Variants in CEMIP observed in about 807,000 individuals in gnomAD.
CEMIP encodes the protein cell migration-inducing and hyaluronan-binding protein.
CEMIP carries 105 observed loss-of-function variants against 156.9 expected under a neutral mutation model. The ratio of observed to expected loss-of-function variants is 0.67; its 90% confidence interval spans 0.57 to 0.79. The LOEUF (loss-of-function observed/expected upper bound fraction) is 0.79, where lower values mean the gene tolerates loss of function less well. Among genes scored for constraint, CEMIP ranks in the 30% least tolerant of loss-of-function variants. The probability of loss-of-function intolerance (pLI) is 0.00; values close to 1 mark genes in which losing one functional copy is unlikely to be tolerated. For missense variants in CEMIP, 1,457 were observed against 1,769.4 expected (o/e 0.82, Z 3.17); for synonymous variants, 676 against 668.4 (o/e 1.01, Z -0.17).
chr15:80,823,560 C>T lies in CEMIP; in HGVS notation c.-176+43946C>T, dbSNP rs545917050. On this transcript the variant is annotated intron_variant, in intron 1 of 29. Transcript: ENST00000394685. Reference sequence around the variant, plus strand: ...TAGACCCTGGGGACCCAGTCCCTTTCCCCTTCTGTAATCCTCAAACCACCC... The same window carrying T: ...TAGACCCTGGGGACCCAGTCCCTTTTCCCTTCTGTAATCCTCAAACCACCC... Among the ~76,000 whole-genome samples the T allele has an allele frequency of 9.2e-5, 14 of 152,270 alleles. No homozygotes were observed. The East Asian group carries it at 2.7e-3, about 29-fold the overall frequency.
intron 1 of CEMIP, among the ~76,000 whole-genome samples, chr15:80,802,385 C>T (rs62006883): frequency 0.34 from 51,454 of 152,152 alleles, 10,232 homozygotes; most frequent in Non-Finnish European, 0.45. Flanking sequence ...GATGGCTCTG[C>T]CTCTGCCTTC....
intron 1 of CEMIP, among the ~76,000 whole-genome samples, chr15:80,818,616 G>C (rs1896843139): frequency 6.6e-6 from 1 of 152,178 alleles, no homozygotes; most frequent in Non-Finnish European, 1.5e-5. Context: ...ATTTCAACAG[G>C]TCAACTCCAC....
chr15:80,887,563 T>C (rs1596160045), intron 7 of CEMIP, 131 bp from the exon 8 acceptor site: 4 of 718,706 alleles, frequency 5.6e-6, no homozygotes, highest in Non-Finnish European at 7.4e-6. Context: ...AGTGAATGAA[T>C]TTCCCCCAAA....
chr15:80,871,574 G>C (rs1323693318), intron 1 of CEMIP, among the ~76,000 whole-genome samples: 1 of 152,144 alleles, frequency 6.6e-6, no homozygotes, highest in African/African-American at 2.4e-5. Flanking sequence ...GGGCAGGAGG[G>C]ATGCCCCCGC....
intron 25 of CEMIP, among the ~76,000 whole-genome samples, chr15:80,941,415 G>A (rs929081320): frequency 6.6e-6 from 1 of 152,156 alleles, no homozygotes; most frequent in African/African-American, 2.4e-5. Flanking sequence ...TAGGAAGACA[G>A]AGCATCTCCT....
intron 1 of CEMIP, among the ~76,000 whole-genome samples, chr15:80,789,798 T>C (rs1896033621): frequency 6.6e-6 from 1 of 152,250 alleles, no homozygotes; most frequent in Admixed American, 6.5e-5. Context: ...AATGACCATG[T>C]AGTGAAGTTC....
intron 1 of CEMIP, among the ~76,000 whole-genome samples, chr15:80,871,936 G>A (rs954376171): frequency 3.3e-5 from 5 of 152,140 alleles, no homozygotes; most frequent in Non-Finnish European, 5.9e-5. Flanking sequence ...TGTTGTTCTC[G>A]GCAGAGCAGG....
intron 3 of CEMIP, among the ~76,000 whole-genome samples, chr15:80,877,459 C>T (rs143296561): frequency 3.5e-3 from 526 of 152,306 alleles, no homozygotes; most frequent in African/African-American, 0.012. Flanking sequence ...ACCCCCAACC[C>T]GGGTTAATTT....
chr15:80,829,934 C>G (rs1251070191), intron 1 of CEMIP, among the ~76,000 whole-genome samples: 1 of 150,232 alleles, frequency 6.7e-6, no homozygotes, highest in Non-Finnish European at 1.5e-5. Context: ...ACTGATGCTT[C>G]TTGACCTAGT....
chr15:80,789,568 AT>A (rs892934433), intron 1 of CEMIP, among the ~76,000 whole-genome samples: 68 of 140,044 alleles, frequency 4.9e-4, no homozygotes, highest in Admixed American at 2.7e-3. Context: ...TGCTTAAATG[AT>A]TTTTTTTTTA....
chr15:80,924,638 C>T lies in CEMIP; in HGVS notation c.2220C>T (p.Asp740=). 1 of 1,614,112 alleles carries T rather than the reference C, an allele frequency of 6.2e-7. No individual in the cohort carries two copies. The highest frequency in any genetic ancestry group is 8.5e-7 in the Non-Finnish European group (1 of 1,180,002). ...CCCTGCAGGCTGGCATGATCATAGA[C>T]AACGGAGTCAAAACCACCGAGGCCT... ...HSNYRAGMII[D]NGVKTTEASA... Residue 740 remains aspartate (D), a synonymous_variant, in exon 18 of 30, where the codon GAC becomes GAT. Transcript: ENST00000394685.
chr15:80,926,751 C>T lies in CEMIP; in HGVS notation c.2420+996C>T, dbSNP rs1900687277. On this transcript the variant is annotated intron_variant, in intron 19 of 29. Transcript: ENST00000394685. ...GCAGCAGGCAGTGGCCAAAAATAAA[C>T]AATAAATTTTTTTTTAAAAAAGTCA... 2.3e-5 allele frequency among the ~76,000 whole-genome samples: 3 copies of T among 133,310 alleles called. No homozygotes were observed. The Admixed American group carries it at 2.5e-4, about 11-fold the overall frequency. 87.5% of individuals were successfully genotyped at this position (133,310 alleles called of 152,430 possible). A position where few individuals can be genotyped will look rare whatever the true frequency, so the allele number is the denominator to read the frequency against.
chr15:80,931,263 T>C (rs1900900890), intron 21 of CEMIP, among the ~76,000 whole-genome samples: 1 of 152,210 alleles, frequency 6.6e-6, no homozygotes, highest in Non-Finnish European at 1.5e-5. Context: ...ATTTTTATCA[T>C]GTTTATCACC....
intron 14 of CEMIP, among the ~76,000 whole-genome samples, chr15:80,916,404 T>G: frequency 6.6e-6 from 1 of 152,220 alleles, no homozygotes; most frequent in East Asian, 1.9e-4. Context: ...CTTTCACGAC[T>G]GCCGACCATC....
intron 7 of CEMIP, among the ~76,000 whole-genome samples, chr15:80,885,270 C>T (rs1472757832): frequency 6.6e-6 from 1 of 152,204 alleles, no homozygotes; most frequent in Non-Finnish European, 1.5e-5. Context: ...AAGCCAGAGA[C>T]TTTTCTGGGC....
chr15:80,867,197 T>G (rs1425342762), intron 1 of CEMIP, among the ~76,000 whole-genome samples: 1 of 152,138 alleles, frequency 6.6e-6, no homozygotes, highest in Non-Finnish European at 1.5e-5. Context: ...AATCAGACCC[T>G]GCCCCAGACC....
intron 1 of CEMIP, among the ~76,000 whole-genome samples, chr15:80,815,705 T>G (rs1047228176): frequency 6.6e-5 from 10 of 152,128 alleles, no homozygotes; most frequent in Non-Finnish European, 2.9e-5. Flanking sequence ...TTAAAAAAAA[T>G]TAAAGATCAT....
chr15:80,830,973 C>A (rs182203139), intron 1 of CEMIP, among the ~76,000 whole-genome samples: 7 of 152,280 alleles, frequency 4.6e-5, no homozygotes, highest in Admixed American at 4.6e-4. Flanking sequence ...CTATATTAAT[C>A]ATGTACTGGG....
intron 1 of CEMIP, among the ~76,000 whole-genome samples, chr15:80,780,770 G>A (rs1324861959): frequency 6.6e-6 from 1 of 152,206 alleles, no homozygotes; most frequent in Non-Finnish European, 1.5e-5. Flanking sequence ...GCGTGCCCAG[G>A]CGCGACGCCA....
Sources: gnomAD v4.1 joint callset for allele counts (sites outside exome capture counted in the v4.1 genomes callset) on GRCh38, gnomAD v4.1.1 for gene constraint, MANE v1.5 for transcripts, NCBI Gene and HGNC (gene_info 2026-07-23, HGNC 2026-07-21) for gene names.